The following NEGR1 variants were observed in gnomAD, a reference collection of about 807,000 sequenced individuals.
NEGR1 encodes neuronal growth regulator 1, also known as IgLON family member 4.
Under a neutral mutation model 40.9 loss-of-function variants are expected in NEGR1, and 10 were observed. The observed-to-expected ratio is 0.24, with a 90% CI of 0.15 to 0.42. The LOEUF (loss-of-function observed/expected upper bound fraction) is 0.42. Ranked by LOEUF, NEGR1 falls within the 10% of genes least tolerant of loss-of-function variation. NEGR1 has a pLI of 1.00. For missense variants in NEGR1, 352 were observed against 438.9 expected, an observed-to-expected ratio of 0.80 and a Z score of 1.77; for synonymous variants, 185 against 166.8, an observed-to-expected ratio of 1.11 and a Z score of -0.84.
chr1:72,134,420 G>A (rs1470722226), intron 1 of NEGR1, among the ~76,000 whole-genome samples: 1 of 151,698 alleles, frequency 6.6e-6, no homozygotes, highest in East Asian at 2.0e-4. Context: ...TAGCCAGGAT[G>A]GTCTCGATCT....
intron 6 of NEGR1, among the ~76,000 whole-genome samples, chr1:71,507,963 A>G (rs915546984): frequency 6.6e-6 from 1 of 152,178 alleles, no homozygotes; most frequent in Non-Finnish European, 1.5e-5. Flanking sequence ...TCCCCGCTAA[A>G]GAAGACTTGG....
intron 2 of NEGR1, among the ~76,000 whole-genome samples, chr1:71,904,179 CA>C (rs1237952844): frequency 6.6e-6 from 1 of 151,842 alleles, no homozygotes; most frequent in East Asian, 1.9e-4. Context: ...TATGTATCAC[CA>C]AACATAAAGG....
At chr1:71,894,063 G>C (rs1486631976) in intron 2 of NEGR1, among the ~76,000 whole-genome samples, 2 of 107,386 alleles carry the variant, frequency 1.9e-5, no homozygotes, top group Admixed American at 1.0e-4. Context: ...CACACTCTGG[G>C]GACTGTGGTG....
At chr1:71,616,139 G>T (rs1650438821) in intron 4 of NEGR1, among the ~76,000 whole-genome samples, 1 of 152,192 alleles carries the variant, frequency 6.6e-6, no homozygotes, top group Non-Finnish European at 1.5e-5. Flanking sequence ...TGATGTACAT[G>T]TATGTCTTAT....
chr1:72,109,686 G>C (rs1649279308), intron 1 of NEGR1, among the ~76,000 whole-genome samples: 1 of 151,606 alleles, frequency 6.6e-6, no homozygotes, highest in Admixed American at 6.6e-5. Flanking sequence ...TTAAGATCAA[G>C]ACAACTAGGA....
chr1:71,617,034 A>G (rs934622587), intron 4 of NEGR1, among the ~76,000 whole-genome samples: 3 of 152,244 alleles, frequency 2.0e-5, no homozygotes, highest in Non-Finnish European at 4.4e-5. Context: ...ACCTTGCATT[A>G]AAAGACAAGA....
chr1:72,085,163 T>C (rs1342811971), intron 1 of NEGR1, among the ~76,000 whole-genome samples: 1 of 152,226 alleles, frequency 6.6e-6, no homozygotes, highest in Non-Finnish European at 1.5e-5. Context: ...AAAGGTAATA[T>C]GTTTTTATTA....
chr1:72,224,961 G>A (rs1435760846), intron 1 of NEGR1, among the ~76,000 whole-genome samples: 1 of 151,984 alleles, frequency 6.6e-6, no homozygotes, highest in African/African-American at 2.4e-5. Flanking sequence ...TACAAACTAT[G>A]CATTTCAATG....
chr1:71,580,887 T>C (rs968438346), intron 6 of NEGR1, among the ~76,000 whole-genome samples: 1 of 152,144 alleles, frequency 6.6e-6, no homozygotes, highest in Admixed American at 6.6e-5. Flanking sequence ...TTCAAGTAGA[T>C]AGTGGCATGC....
At chr1:71,839,745 C>G (rs1443947700) in intron 2 of NEGR1, among the ~76,000 whole-genome samples, 3 of 152,102 alleles carry the variant, frequency 2.0e-5, no homozygotes, top group Non-Finnish European at 4.4e-5. Flanking sequence ...ATTTAAACTA[C>G]TCTTCATAAA....
At chr1:72,043,868 G>A (rs946366443) in intron 1 of NEGR1, among the ~76,000 whole-genome samples, 1 of 151,670 alleles carries the variant, frequency 6.6e-6, no homozygotes, top group Non-Finnish European at 1.5e-5. Flanking sequence ...TGGATATTTT[G>A]GTTGGACTTC....
At chr1:71,627,668 T>C (rs1650831500) in intron 4 of NEGR1, among the ~76,000 whole-genome samples, 1 of 152,008 alleles carries the variant, frequency 6.6e-6, no homozygotes, top group Non-Finnish European at 1.5e-5. Flanking sequence ...AGACTCTTCA[T>C]GTACATTTGG....
intron 5 of NEGR1, among the ~76,000 whole-genome samples, chr1:71,595,935 A>G (rs1295955896): frequency 1.3e-5 from 2 of 151,562 alleles, no homozygotes; most frequent in African/African-American, 4.9e-5. Flanking sequence ...TTCTAATATG[A>G]TTGTCTATAA....
At chr1:72,051,941 A>G (rs568278716) in intron 1 of NEGR1, among the ~76,000 whole-genome samples, 1 of 151,542 alleles carries the variant, frequency 6.6e-6, no homozygotes, top group South Asian at 2.1e-4. Context: ...TTTCCAGAGC[A>G]CTAGTTCCAA....
intron 6 of NEGR1, among the ~76,000 whole-genome samples, chr1:71,432,696 A>G (rs937789715): frequency 6.6e-6 from 1 of 152,194 alleles, no homozygotes; most frequent in Admixed American, 6.5e-5. Context: ...AAAGATAACT[A>G]TTTACAAATT....
intron 6 of NEGR1, among the ~76,000 whole-genome samples, chr1:71,479,168 G>C (rs1338537929): frequency 6.6e-6 from 1 of 151,916 alleles, no homozygotes; most frequent in Admixed American, 6.6e-5. Context: ...AACCTCACCA[G>C]TCTTTATGAA....
chr1:71,904,795 C>T (rs1165347601), intron 2 of NEGR1, among the ~76,000 whole-genome samples: 2 of 152,110 alleles, frequency 1.3e-5, no homozygotes, highest in African/African-American at 4.8e-5. Context: ...ATGATGGCAT[C>T]TGGCAATTTT....
intron 3 of NEGR1, among the ~76,000 whole-genome samples, chr1:71,730,877 CGTGTGTGTGT>C (rs59873481): frequency 0.076 from 9,826 of 129,980 alleles, 404 homozygotes; most frequent in East Asian, 0.17. Flanking sequence ...GTGAAGCATT[CGTGTGTGTGT>C]GTGTGTGTGT....
intron 1 of NEGR1, among the ~76,000 whole-genome samples, chr1:72,200,388 C>A (rs1048342281): frequency 1.3e-5 from 2 of 151,860 alleles, no homozygotes; most frequent in Non-Finnish European, 2.9e-5. Flanking sequence ...TTGCTGGGAG[C>A]CATTATCCAA....
Sources: gnomAD v4.1 joint callset for allele counts (sites outside exome capture counted in the v4.1 genomes callset) on GRCh38, gnomAD v4.1.1 for gene constraint, MANE v1.5 for transcripts, NCBI Gene and HGNC (gene_info 2026-07-23, HGNC 2026-07-21) for gene names.